The following MAP4 variants were observed in gnomAD, a reference collection of about 807,000 sequenced individuals.
MAP4 encodes the protein microtubule-associated protein 4.
In MAP4, 76 loss-of-function variants were observed where a neutral mutation model predicts 170.2. That is an observed-to-expected ratio of 0.45 (90% CI 0.37 to 0.54). The LOEUF (loss-of-function observed/expected upper bound fraction) is 0.54. Among genes scored for constraint, MAP4 ranks in the 20% least tolerant of loss-of-function variants. The probability of loss-of-function intolerance (pLI) is 0.00; values close to 1 mark genes in which losing one functional copy is unlikely to be tolerated. For missense variants in MAP4, 2,506 were observed against 2,748.0 expected (o/e 0.91, Z 1.97); for synonymous variants, 909 against 994.5 (o/e 0.91, Z 1.62).
At chr3:47,890,581 T>C (rs1033101561) in intron 10 of MAP4, among the ~76,000 whole-genome samples, 5 of 152,096 alleles carry the variant, frequency 3.3e-5, no homozygotes, top group African/African-American at 9.7e-5. Flanking sequence ...TGTGAATCTA[T>C]ATAAAGTGAC....
chr3:48,000,060 C>CA (rs533482108), intron 1 of MAP4, among the ~76,000 whole-genome samples: 135 of 151,450 alleles, frequency 8.9e-4, no homozygotes, highest in African/African-American at 3.2e-3. Flanking sequence ...ACTAAAAATG[C>CA]AAAAATTAGC....
intron 2 of MAP4, among the ~76,000 whole-genome samples, chr3:47,978,569 G>C (rs2100083556): frequency 6.6e-6 from 1 of 152,070 alleles, no homozygotes; most frequent in African/African-American, 2.4e-5. Context: ...CACCGCCTTG[G>C]CCTCCCAAAG....
intron 12 of MAP4, among the ~76,000 whole-genome samples, chr3:47,875,253 T>C (rs988110343): frequency 6.6e-6 from 1 of 152,200 alleles, no homozygotes; most frequent in African/African-American, 2.4e-5. Flanking sequence ...ATGTGGGAAT[T>C]ATACCAAAAA....
intron 3 of MAP4, among the ~76,000 whole-genome samples, chr3:47,953,688 C>T (rs1012548205): frequency 1.3e-5 from 2 of 151,836 alleles, no homozygotes; most frequent in Admixed American, 6.6e-5. Flanking sequence ...AAAAAAAGCT[C>T]GGAAGATAAT....
intron 4 of MAP4, among the ~76,000 whole-genome samples, chr3:47,924,822 T>TC (rs1412385195): frequency 2.0e-5 from 3 of 151,940 alleles, no homozygotes; most frequent in African/African-American, 7.3e-5. Flanking sequence ...CGATATTTTT[T>TC]TTTTTTGAGA....
At chr3:47,955,788 A>C (rs2100067477) in intron 3 of MAP4, among the ~76,000 whole-genome samples, 1 of 152,170 alleles carries the variant, frequency 6.6e-6, no homozygotes, top group East Asian at 1.9e-4. Flanking sequence ...TGGGTTTCAG[A>C]GCAAGAAAAG....
At chr3:47,887,408 G>A (rs1023819215) in intron 10 of MAP4, among the ~76,000 whole-genome samples, 11 of 152,210 alleles carry the variant, frequency 7.2e-5, no homozygotes, top group Non-Finnish European at 1.2e-4. Flanking sequence ...TAAGTGCTGC[G>A]CTCGATTTCT....
At chr3:47,984,197 T>G (rs1337506270) in intron 2 of MAP4, among the ~76,000 whole-genome samples, 1 of 152,014 alleles carries the variant, frequency 6.6e-6, no homozygotes, top group African/African-American at 2.4e-5. Context: ...GCAGTCTTGC[T>G]GTGTTGCTGG....
intron 1 of MAP4, among the ~76,000 whole-genome samples, chr3:48,057,092 ACC>A (rs1224263683): frequency 4.7e-5 from 7 of 147,964 alleles, no homozygotes; most frequent in Non-Finnish European, 1.1e-4. Flanking sequence ...CCCGGCCACC[ACC>A]CCGTCTGGGA....
rs56969265 is a variant in MAP4 at position 47,969,423 on chromosome 3, G to GAA, written c.292+8440_292+8441dup. 3.7e-3 allele frequency among the ~76,000 whole-genome samples: 541 copies of GAA among 145,462 alleles called. 4 individuals are homozygous for GAA. The highest frequency in any genetic ancestry group is 9.0e-3 in the Admixed American group (131 of 14,616). On this transcript the variant is annotated intron_variant, in intron 3 of 20. Coordinates refer to ENST00000683076, the MANE Select transcript of MAP4 (RefSeq NM_001385682.1). Reference sequence around the variant, plus strand: ...CTCTGTCTCGCGGGGCGCGGGGAGAGAAAAAAAAAAAAGGATTAGTACCAT... The same window carrying GAA: ...CTCTGTCTCGCGGGGCGCGGGGAGAGAAAAAAAAAAAAAAGGATTAGTACCAT...
intron 4 of MAP4, among the ~76,000 whole-genome samples, chr3:47,925,326 T>C (rs1358761472): frequency 6.6e-6 from 1 of 152,146 alleles, no homozygotes; most frequent in African/African-American, 2.4e-5. Flanking sequence ...GAATTTTTTT[T>C]CCTACTCAAA....
chr3:48,015,168 G>A (rs1487749589), intron 1 of MAP4, among the ~76,000 whole-genome samples: 2 of 150,920 alleles, frequency 1.3e-5, no homozygotes, highest in Admixed American at 1.3e-4. Flanking sequence ...AAATCATTTT[G>A]AGTTCCAAAC....
intron 4 of MAP4, 148 bp from the exon 5 acceptor site, chr3:47,922,026 C>A: frequency 1.8e-6 from 1 of 547,278 alleles, no homozygotes; most frequent in Non-Finnish European, 3.3e-6. Flanking sequence ...TGGTTCACTG[C>A]AACCTCTACC....
Position 47,855,220 on chromosome 3 carries a change from T to A in MAP4, c.6696+28A>T. The A allele has an allele frequency of 6.6e-7, 1 of 1,514,712 alleles. No homozygotes were observed. Among genetic ancestry groups the A allele is most frequent in the Non-Finnish European group, 9.2e-7 (1 of 1,089,468 alleles). The allele number at this position is 1,514,712 out of a possible 1,614,324, so 93.8% of individuals were successfully genotyped here. Reference sequence around the variant, plus strand: ...TGCATAGTTCCCACCCCTCCCCAGCTGTGTCTCCCCAGTGACCCACTCGCT... The same window carrying A: ...TGCATAGTTCCCACCCCTCCCCAGCAGTGTCTCCCCAGTGACCCACTCGCT... On this transcript the variant is annotated intron_variant, in intron 19 of 20. Transcript: ENST00000683076. This position sits in a 1 kb window ranked among gnomAD's most constrained non-coding sequence, Gnocchi z 5.1.
intron 3 of MAP4, among the ~76,000 whole-genome samples, chr3:47,937,918 T>G (rs2100053978): frequency 6.6e-6 from 1 of 150,894 alleles, no homozygotes; most frequent in Non-Finnish European, 1.5e-5. Flanking sequence ...CGCCTCAGTC[T>G]CCCAAAGTGC....
Position 47,998,869 on chromosome 3 carries a change from A to AGG in MAP4, c.-10_-9insCC. ...AGACTGAGGTCAGCCATTCTGCACC[A>AGG]CTGCAACTGCCTGGTGAAGAGGAAA... On this transcript the variant is annotated 5_prime_UTR_variant, in exon 2 of 21. Coordinates refer to ENST00000683076, the MANE Select transcript of MAP4 (RefSeq NM_001385682.1). 1 of 1,588,710 alleles carries AGG rather than the reference A, an allele frequency of 6.3e-7. No homozygotes were observed. The highest frequency in any genetic ancestry group is 8.6e-7 in the Non-Finnish European group (1 of 1,156,964).
intron 1 of MAP4, among the ~76,000 whole-genome samples, chr3:48,069,271 T>C (rs1579777273): frequency 1.3e-5 from 2 of 152,192 alleles, no homozygotes; most frequent in East Asian, 3.8e-4. Context: ...AAAAATTATT[T>C]TCTGATTTGT....
In MAP4 at chr3:47,871,257, C is replaced by T; in HGVS notation, c.5971G>A (p.Val1991Ile). 1 of 1,614,230 alleles carries T rather than the reference C, an allele frequency of 6.2e-7. No individual in the cohort carries two copies. The highest frequency in any genetic ancestry group is 2.2e-5 in the East Asian group (1 of 44,892). ...ACAGACTTTGCAGTCATCTTCTTGA[C>T]TTCTGCAGGTTTTCCCTCAGTCTTA... Reference protein sequence around the residue: ...AIKTEGKPAEVKKMTAKSVPA... With the variant: ...AIKTEGKPAEIKKMTAKSVPA... The change falls in exon 14 of 21, where the codon GTC (valine) becomes ATC (isoleucine). Residue 1991 changes from valine (V) to isoleucine (I), a missense_variant. By Grantham distance (29) the Val-to-Ile change is conservative. Coordinates refer to ENST00000683076, the MANE Select transcript of MAP4 (RefSeq NM_001385682.1).
At chr3:47,874,395 G>A (rs1328801380) in intron 12 of MAP4, among the ~76,000 whole-genome samples, 2 of 152,166 alleles carry the variant, frequency 1.3e-5, no homozygotes, top group South Asian at 2.1e-4. Flanking sequence ...CTTGAACCTG[G>A]GAGGTGGAGG....
Sources: gnomAD v4.1 joint callset for allele counts (sites outside exome capture counted in the v4.1 genomes callset) on GRCh38, gnomAD v4.1.1 for gene constraint, Gnocchi (gnomAD v3.1) non-coding constraint, MANE v1.5 for transcripts, NCBI Gene and HGNC (gene_info 2026-07-23, HGNC 2026-07-21) for gene names.